Variants in GREB1L observed in about 807,000 individuals in gnomAD.
GREB1L encodes GREB1 like retinoic acid receptor coactivator.
In GREB1L, 17 loss-of-function variants were observed where a neutral mutation model predicts 200.8. The ratio of observed to expected loss-of-function variants is 0.08; its 90% CI spans 0.06 to 0.13. The LOEUF (loss-of-function observed/expected upper bound fraction) is 0.13, where lower values mean the gene tolerates loss of function less well. Ranked by LOEUF, GREB1L falls within the 10% of genes least tolerant of loss-of-function variation. The probability of loss-of-function intolerance (pLI) is 1.00; values close to 1 mark genes in which losing one functional copy is unlikely to be tolerated. For missense variants in GREB1L, 1,657 were observed against 2,367.7 expected, an observed-to-expected ratio of 0.70 and a Z score of 6.23; for synonymous variants, 789 against 893.0, an observed-to-expected ratio of 0.88 and a Z score of 2.08.
chr18:21,459,756 A>G (rs1042286916), intron 15 of GREB1L, among the ~76,000 whole-genome samples: 14 of 152,204 alleles, frequency 9.2e-5, no homozygotes, highest in African/African-American at 3.4e-4. Flanking sequence ...AAAAAAAGAC[A>G]GTATTTTTTG....
At chr18:21,243,104 G>A (rs1718738184) in intron 1 of GREB1L, among the ~76,000 whole-genome samples, 1 of 152,088 alleles carries the variant, frequency 6.6e-6, no homozygotes, top group Non-Finnish European at 1.5e-5. Flanking sequence ...AAAGAGTTGT[G>A]TTGACAGCTG....
chr18:21,433,839 C>T (rs2033336357), intron 7 of GREB1L, among the ~76,000 whole-genome samples: 1 of 152,170 alleles, frequency 6.6e-6, no homozygotes, highest in South Asian at 2.1e-4. Context: ...TTGACACTTT[C>T]CTGTGTTAAT....
chr18:21,439,455 A>C (rs2033766808), intron 7 of GREB1L, 66 bp from the exon 8 acceptor site: 1 of 921,414 alleles, frequency 1.1e-6, no homozygotes, highest in South Asian at 1.4e-5. Flanking sequence ...AGATGGTTCC[A>C]GCATCCCAGA....
intron 1 of GREB1L, among the ~76,000 whole-genome samples, chr18:21,340,403 G>A (rs2039251449): frequency 6.6e-6 from 1 of 151,576 alleles, no homozygotes; most frequent in South Asian, 2.1e-4. Flanking sequence ...CTGGGCAACA[G>A]AGCGAGACTC....
At chr18:21,425,098 A>G (rs1259963642) in intron 7 of GREB1L, among the ~76,000 whole-genome samples, 1 of 152,200 alleles carries the variant, frequency 6.6e-6, no homozygotes, top group Non-Finnish European at 1.5e-5. Flanking sequence ...TCAGTTTTTC[A>G]GTCAGGTTGT....
chr18:21,284,538 A>T (rs1364889345), intron 1 of GREB1L, among the ~76,000 whole-genome samples: 1 of 152,194 alleles, frequency 6.6e-6, no homozygotes, highest in African/African-American at 2.4e-5. Context: ...CCATTGCATG[A>T]TTATACCACA....
At chr18:21,272,142 T>G (rs2144294948) in intron 1 of GREB1L, among the ~76,000 whole-genome samples, 1 of 152,354 alleles carries the variant, frequency 6.6e-6, no homozygotes, top group South Asian at 2.1e-4. Flanking sequence ...TTCCACTGGC[T>G]TAATTACTTG....
intron 5 of GREB1L, among the ~76,000 whole-genome samples, chr18:21,400,407 C>A (rs1598761972): frequency 6.6e-6 from 1 of 152,144 alleles, no homozygotes; most frequent in African/African-American, 2.4e-5. Context: ...AAATAGGAAT[C>A]TCATGGAACT....
At chr18:21,410,859 G>A (rs1453253804) in intron 7 of GREB1L, among the ~76,000 whole-genome samples, 1 of 151,874 alleles carries the variant, frequency 6.6e-6, no homozygotes, top group African/African-American at 2.4e-5. Context: ...GGGAGGCTGA[G>A]GCAGGAGGAT....
intron 1 of GREB1L, among the ~76,000 whole-genome samples, chr18:21,344,403 A>AAACAAC (rs146104394): frequency 0.017 from 2,620 of 150,332 alleles, 49 homozygotes; most frequent in African/African-American, 0.048. Flanking sequence ...TCTGTCTCAA[A>AAACAAC]AACAACAACA....
At chr18:21,283,064 G>C (rs1377053078) in intron 1 of GREB1L, among the ~76,000 whole-genome samples, 1 of 151,696 alleles carries the variant, frequency 6.6e-6, no homozygotes, top group Non-Finnish European at 1.5e-5. Context: ...ATCCTTTTTT[G>C]ATTTTTTACT....
At chr18:21,335,899 G>A (rs546301034) in intron 1 of GREB1L, among the ~76,000 whole-genome samples, 1 of 152,044 alleles carries the variant, frequency 6.6e-6, no homozygotes, top group South Asian at 2.1e-4. Flanking sequence ...TCCTGACCTC[G>A]TGATCCACCT....
At chr18:21,345,864 T>G (rs887221380) in intron 1 of GREB1L, among the ~76,000 whole-genome samples, 2 of 135,264 alleles carry the variant, frequency 1.5e-5, no homozygotes, top group Non-Finnish European at 3.1e-5. Context: ...AGAGTGAGAC[T>G]CCATCTCAAA....
intron 1 of GREB1L, among the ~76,000 whole-genome samples, chr18:21,307,019 T>C (rs2038711849): frequency 6.6e-6 from 1 of 152,252 alleles, no homozygotes; most frequent in African/African-American, 2.4e-5. Context: ...TTTTCTGTCA[T>C]GTGATTGATA....
intron 15 of GREB1L, among the ~76,000 whole-genome samples, chr18:21,455,343 C>CACAT: frequency 6.6e-6 from 1 of 151,908 alleles, no homozygotes; most frequent in South Asian, 2.1e-4. Flanking sequence ...CACACACACA[C>CACAT]GCAGATTTTA....
intron 15 of GREB1L, among the ~76,000 whole-genome samples, chr18:21,463,308 G>A (rs1228243008): frequency 6.6e-6 from 1 of 151,612 alleles, no homozygotes; most frequent in Non-Finnish European, 1.5e-5. Flanking sequence ...ACCGCGCCTG[G>A]CTAATTTTTT....
rs979240276 is a variant in GREB1L at position 21,360,533 on chromosome 18, T to C, written c.-119-5494T>C. ...GAGCCACTGCACCCGGTGACTGATATTAGGATTAAATGAAATACATATATC... is the reference window on the plus strand; with the variant it reads ...GAGCCACTGCACCCGGTGACTGATACTAGGATTAAATGAAATACATATATC... On this transcript the variant is annotated intron_variant, in intron 1 of 32. Coordinates refer to ENST00000424526, the MANE Select transcript of GREB1L (RefSeq NM_001142966.3). 3.9e-5 allele frequency among the ~76,000 whole-genome samples: 6 copies of C among 152,334 alleles called. No individual in the cohort carries two copies. The East Asian group carries it at 5.8e-4, about 15-fold the overall frequency.
intron 2 of GREB1L, among the ~76,000 whole-genome samples, chr18:21,369,808 G>T (rs548725059): frequency 6.6e-6 from 1 of 151,864 alleles, no homozygotes; most frequent in Non-Finnish European, 1.5e-5. Flanking sequence ...AATTAGCCAA[G>T]CGTGGTGGCA....
intron 7 of GREB1L, among the ~76,000 whole-genome samples, chr18:21,423,944 C>A (rs1030366240): frequency 4.6e-5 from 7 of 152,192 alleles, no homozygotes; most frequent in African/African-American, 1.7e-4. Flanking sequence ...AAGCATTATA[C>A]GTTCTTGCAC....
Sources: allele counts gnomAD v4.1 joint callset (sites outside exome capture counted in the v4.1 genomes callset), GRCh38; gene constraint gnomAD v4.1.1; transcripts MANE v1.5; gene names NCBI Gene and HGNC (gene_info 2026-07-23, HGNC 2026-07-21).